The following JAKMIP2 variants were observed in gnomAD, a reference collection of about 807,000 sequenced individuals.
The protein encoded by JAKMIP2 is janus kinase and microtubule-interacting protein 2.
In JAKMIP2, 25 loss-of-function variants were observed where a neutral mutation model predicts 115.0. The ratio of observed to expected loss-of-function variants is 0.22; its 90% CI spans 0.16 to 0.30. The LOEUF is 0.30. Among genes scored for constraint, JAKMIP2 ranks in the 10% least tolerant of loss-of-function variants. The pLI is 1.00. For missense variants in JAKMIP2, 642 were observed against 957.6 expected (o/e 0.67, Z 4.35); for synonymous variants, 334 against 343.6 (o/e 0.97, Z 0.31).
At chr5:147,704,461 T>TACAGAAACATCA in intron 1 of JAKMIP2, among the ~76,000 whole-genome samples, 1 of 152,048 alleles carries the variant, frequency 6.6e-6, no homozygotes, top group African/African-American at 2.4e-5. Flanking sequence ...AGAAACATCA[T>TACAGAAACATCA]TTTGTGGGAC....
intron 1 of JAKMIP2, among the ~76,000 whole-genome samples, chr5:147,772,117 TAA>T (rs1442315147): frequency 6.6e-6 from 1 of 152,056 alleles, no homozygotes; most frequent in Non-Finnish European, 1.5e-5. Flanking sequence ...TGTGAAGTAT[TAA>T]AAGTTTTTTT....
intron 1 of JAKMIP2, among the ~76,000 whole-genome samples, chr5:147,729,180 T>G (rs1753628971): frequency 6.6e-6 from 1 of 152,022 alleles, no homozygotes; most frequent in Non-Finnish European, 1.5e-5. Flanking sequence ...GAATTAAGAG[T>G]TGGCTGACAT....
intron 15 of JAKMIP2, 46 bp downstream of exon 15, chr5:147,629,647 C>T: frequency 7.1e-7 from 1 of 1,417,838 alleles, no homozygotes; most frequent in Non-Finnish European, 9.9e-7. Flanking sequence ...TCTCTTGCCT[C>T]TGTTTAGGCA....
Position 147,631,495 on chromosome 5 carries a change from G to A in JAKMIP2, c.1793C>T (p.Ser598Phe). The change falls in exon 14 of 22, where the codon TCC (serine) becomes TTC (phenylalanine). Residue 598 changes from serine (S) to phenylalanine (F), a missense_variant. Transcript: ENST00000616793. ...GTGAATTTGGAGATTAAATGGAGGGGATCGTCTCTCTCTCTCCTTGAAACA... is the reference window on the plus strand; with the variant it reads ...GTGAATTTGGAGATTAAATGGAGGGAATCGTCTCTCTCTCTCCTTGAAACA... Reference protein sequence around the residue: ...NLELEERERRSPPFNLQIHPF... With the variant: ...NLELEERERRFPPFNLQIHPF... 1 of 1,608,464 alleles carries A rather than the reference G, an allele frequency of 6.2e-7. No homozygotes were observed. The highest frequency in any genetic ancestry group is 8.5e-7 in the Non-Finnish European group (1 of 1,175,074).
chr5:147,774,731 T>C (rs1755492480), intron 1 of JAKMIP2, among the ~76,000 whole-genome samples: 1 of 152,094 alleles, frequency 6.6e-6, no homozygotes, highest in Non-Finnish European at 1.5e-5. Flanking sequence ...CTCCATGAAG[T>C]GCTACATAAG....
chr5:147,728,652 G>T (rs1753609885), intron 1 of JAKMIP2, among the ~76,000 whole-genome samples: 1 of 152,114 alleles, frequency 6.6e-6, no homozygotes, highest in Admixed American at 6.5e-5. Flanking sequence ...AATATTGTCA[G>T]AAAAACAAAA....
intron 3 of JAKMIP2, among the ~76,000 whole-genome samples, chr5:147,659,973 A>T (rs1379535578): frequency 2.6e-5 from 4 of 152,236 alleles, no homozygotes; most frequent in African/African-American, 9.6e-5. Flanking sequence ...ATTCTCAGAA[A>T]GTAATTGCTT....
chr5:147,729,773 C>G (rs919397880), intron 1 of JAKMIP2, among the ~76,000 whole-genome samples: 1 of 83,964 alleles, frequency 1.2e-5, no homozygotes, highest in African/African-American at 3.9e-5. Context: ...GACTCTGTCT[C>G]AAAAAAAAAA....
intron 1 of JAKMIP2, among the ~76,000 whole-genome samples, chr5:147,708,311 A>T (rs1752655618): frequency 6.6e-6 from 1 of 152,180 alleles, no homozygotes. Context: ...AACCCATATC[A>T]CCTGAGGAGT....
At chr5:147,714,445 G>A (rs1752890362) in intron 1 of JAKMIP2, among the ~76,000 whole-genome samples, 1 of 152,096 alleles carries the variant, frequency 6.6e-6, no homozygotes, top group Non-Finnish European at 1.5e-5. Context: ...AGACGGAAAT[G>A]ATGCAAGAAA....
chr5:147,771,809 G>A (rs2127076338), intron 1 of JAKMIP2, among the ~76,000 whole-genome samples: 1 of 152,188 alleles, frequency 6.6e-6, no homozygotes, highest in Middle Eastern at 3.4e-3. Context: ...TTTGGACAGG[G>A]ACCAGGGCTA....
Position 147,610,245 on chromosome 5 carries a change from C to G in JAKMIP2, c.2412+2061G>C, listed in dbSNP as rs181687048. The stretch of plus-strand genomic sequence containing the variant: ...TCCCTTGTTTGCAAGGAGTTTTGAT[C>G]CTTTGGAGGAGAAGAGGCATTCTGG... On this transcript the variant is annotated intron_variant, in intron 20 of 21. Coordinates refer to ENST00000616793, the MANE Select transcript of JAKMIP2 (RefSeq NM_001270941.2). Among the ~76,000 whole-genome samples, 319 of 152,244 alleles carry G rather than the reference C, an allele frequency of 2.1e-3. 2 individuals carry two copies. The highest frequency in any genetic ancestry group is 7.2e-3 in the African/African-American group (299 of 41,536).
chr5:147,679,717 A>T (rs928282664), intron 1 of JAKMIP2, among the ~76,000 whole-genome samples: 1 of 152,186 alleles, frequency 6.6e-6, no homozygotes, highest in Non-Finnish European at 1.5e-5. Flanking sequence ...AGGCTCAAAG[A>T]GGTTAATTAA....
At chr5:147,768,064 C>T (rs1265683788) in intron 1 of JAKMIP2, among the ~76,000 whole-genome samples, 3 of 152,058 alleles carry the variant, frequency 2.0e-5, no homozygotes, top group Non-Finnish European at 4.4e-5. Context: ...TTACAAAACC[C>T]CTACACACAC....
intron 20 of JAKMIP2, among the ~76,000 whole-genome samples, chr5:147,606,511 C>A (rs1021159356): frequency 3.3e-5 from 5 of 152,162 alleles, no homozygotes; most frequent in Non-Finnish European, 7.3e-5. Context: ...GGTGTTATTT[C>A]TGAGGCCTCT....
rs892887515 is a variant in JAKMIP2, at chr5:147,650,473, T to C, written c.702A>G (p.Val234=). The change falls in exon 4 of 22, where the codon GTA becomes GTG. Residue 234 remains valine, a synonymous_variant. Transcript: ENST00000616793. The stretch of plus-strand genomic sequence containing the variant: ...CCTCCTTCTGAAGTTGGAGTTTCTG[T>C]ACATAGCCTGTCTGGGTCTCCAGTT... ...EKELETQTGY[V]QKLQLQKEAL... 9 of 1,613,834 alleles carry C rather than the reference T, an allele frequency of 5.6e-6. No homozygotes were observed. The highest frequency in any genetic ancestry group is 7.6e-6 in the Non-Finnish European group (9 of 1,179,882).
intron 1 of JAKMIP2, among the ~76,000 whole-genome samples, chr5:147,718,838 T>C (rs1189739153): frequency 1.3e-5 from 2 of 151,648 alleles, no homozygotes; most frequent in East Asian, 1.9e-4. Context: ...TTTTTGTGTC[T>C]CTATTTCCTT....
At chr5:147,691,665 T>C (rs1445660999) in intron 1 of JAKMIP2, among the ~76,000 whole-genome samples, 1 of 152,126 alleles carries the variant, frequency 6.6e-6, no homozygotes, top group East Asian at 1.9e-4. Context: ...CACATAGACT[T>C]TCTCTCCTAA....
chr5:147,593,672 G>A (rs1303737667), intron 21 of JAKMIP2, among the ~76,000 whole-genome samples: 1 of 152,088 alleles, frequency 6.6e-6, no homozygotes. Context: ...AGAAGTTGGG[G>A]GACCAACCTA....
Sources: gnomAD v4.1 joint callset for allele counts (sites outside exome capture counted in the v4.1 genomes callset) on GRCh38, gnomAD v4.1.1 for gene constraint, MANE v1.5 for transcripts, NCBI Gene and HGNC (gene_info 2026-07-23, HGNC 2026-07-21) for gene names.